The following DRC10 variants were observed in gnomAD, a reference collection of about 807,000 sequenced individuals.
DRC10 encodes the protein dynein regulatory complex subunit 10.
the DRC10 span, among the ~76,000 whole-genome samples, chr12:113,204,060 G>C: frequency 6.6e-6 from 1 of 152,132 alleles, no homozygotes; most frequent in Non-Finnish European, 1.5e-5. Flanking sequence ...GGGCAACATA[G>C]CGAGACCCTG....
At chr12:113,208,835 G>C in the DRC10 span, among the ~76,000 whole-genome samples, 1 of 152,188 alleles carries the variant, frequency 6.6e-6, no homozygotes, top group Non-Finnish European at 1.5e-5. Context: ...ACAGGCCTCA[G>C]CCTATGTCTG....
the DRC10 span, among the ~76,000 whole-genome samples, chr12:113,206,521 C>T: frequency 3.5e-4 from 53 of 152,182 alleles, 1 homozygote; most frequent in African/African-American, 1.3e-3. Context: ...AGGGTGGATG[C>T]GTCAGGTTAT....
the DRC10 span, among the ~76,000 whole-genome samples, chr12:113,197,378 C>T: frequency 6.6e-6 from 1 of 151,956 alleles, no homozygotes; most frequent in Non-Finnish European, 1.5e-5. Context: ...CTCACTCTGC[C>T]CCAGGCTGGA....
chr12:113,202,652 T>A, the DRC10 span, among the ~76,000 whole-genome samples: 10 of 152,130 alleles, frequency 6.6e-5, no homozygotes, highest in Non-Finnish European at 1.3e-4. Context: ...AACCAAGCCC[T>A]CTCCTCCCCT....
At chr12:113,201,792 A>G in the DRC10 span, among the ~76,000 whole-genome samples, 1 of 152,200 alleles carries the variant, frequency 6.6e-6, no homozygotes, top group Non-Finnish European at 1.5e-5. Context: ...GCATCTGCTC[A>G]CTTCCTGCAC....
At chr12:113,207,619 A>C in the DRC10 span, 3 of 1,614,112 alleles carry the variant, frequency 1.9e-6, no homozygotes, top group Non-Finnish European at 2.5e-6. Context: ...GCTGTCAATA[A>C]AATTCTGGGC....
At chr12:113,199,481 G>A in the DRC10 span, among the ~76,000 whole-genome samples, 1 of 152,188 alleles carries the variant, frequency 6.6e-6, no homozygotes, top group Non-Finnish European at 1.5e-5. Context: ...TGGGTAGGCC[G>A]GCTTCAGGGG....
chr12:113,202,879 T>G, the DRC10 span: 1 of 298,000 alleles, frequency 3.4e-6, no homozygotes, highest in African/African-American at 2.2e-5. Flanking sequence ...ACAGCTATTT[T>G]GGGTGTCTCT....
chr12:113,207,681 G>A, the DRC10 span: 1 of 1,614,118 alleles, frequency 6.2e-7, no homozygotes, highest in Non-Finnish European at 8.5e-7. Flanking sequence ...CAGCCTGGGG[G>A]TTGCTGAGCA....
chr12:113,204,219 A>C, the DRC10 span, among the ~76,000 whole-genome samples: 1 of 152,254 alleles, frequency 6.6e-6, no homozygotes, highest in Admixed American at 6.5e-5. Context: ...TGGGTGACAG[A>C]GCAAGATCTT....
the DRC10 span, among the ~76,000 whole-genome samples, chr12:113,220,816 G>A: frequency 2.0e-4 from 31 of 152,180 alleles, no homozygotes; most frequent in African/African-American, 6.5e-4. Context: ...AATGGAGGCC[G>A]GCTCCCTGCA....
chr12:113,203,574 C>G, the DRC10 span, among the ~76,000 whole-genome samples: 62 of 150,264 alleles, frequency 4.1e-4, no homozygotes, highest in Non-Finnish European at 2.5e-4. Context: ...TTCCTGGGTT[C>G]AAGCAATTCT....
At chr12:113,216,213 C>G in the DRC10 span, among the ~76,000 whole-genome samples, 6 of 152,174 alleles carry the variant, frequency 3.9e-5, no homozygotes, top group Non-Finnish European at 8.8e-5. Context: ...AATGAGCTGT[C>G]AAGCCACGAA....
chr12:113,209,626 T>G, the DRC10 span, among the ~76,000 whole-genome samples: 1 of 152,044 alleles, frequency 6.6e-6, no homozygotes, highest in African/African-American at 2.4e-5. Flanking sequence ...GCTCAAGCAA[T>G]CCTCCCACCT....
chr12:113,216,461 A>G, the DRC10 span, among the ~76,000 whole-genome samples: 2 of 152,208 alleles, frequency 1.3e-5, no homozygotes, highest in African/African-American at 4.8e-5. Flanking sequence ...TACCATCATT[A>G]TACATTTGTC....
chr12:113,219,570 C>G, the DRC10 span, among the ~76,000 whole-genome samples: 2 of 152,140 alleles, frequency 1.3e-5, no homozygotes, highest in African/African-American at 2.4e-5. Context: ...CTATATACAA[C>G]TCTTTTATGA....
chr12:113,200,470 G>A, the DRC10 span: 4 of 893,498 alleles, frequency 4.5e-6, no homozygotes, highest in African/African-American at 6.6e-5. Flanking sequence ...AGTAGCTGGT[G>A]CAGTCCTGCC....
At chr12:113,206,660 C>T in the DRC10 span, among the ~76,000 whole-genome samples, 131 of 151,906 alleles carry the variant, frequency 8.6e-4, 2 homozygotes, top group African/African-American at 3.1e-3. Flanking sequence ...TTGGCGACAC[C>T]GAGCACCCAT....
chr12:113,197,453 A>G, the DRC10 span: 15 of 904,976 alleles, frequency 1.7e-5, no homozygotes, highest in Non-Finnish European at 2.3e-5. Context: ...CACTCCATGG[A>G]CCATCCCAAG....
Sources: gnomAD v4.1 joint callset for allele counts (sites outside exome capture counted in the v4.1 genomes callset) on GRCh38, gnomAD v4.1.1 for gene constraint, MANE v1.5 for transcripts, NCBI Gene and HGNC (gene_info 2026-07-23, HGNC 2026-07-21) for gene names.